The following ANXA4 variants were observed in gnomAD, a reference collection of about 807,000 sequenced individuals.
ANXA4 encodes annexin A4.
A neutral mutation model predicts 49.8 loss-of-function variants in ANXA4; 39 were observed. The ratio of observed to expected loss-of-function variants is 0.78; its 90% CI spans 0.61 to 1.02. The LOEUF is 1.02. Among genes scored for constraint, ANXA4 ranks in the 50% least tolerant of loss-of-function variants. ANXA4 has a pLI of 0.00. For synonymous variants in ANXA4, 134 were observed against 152.5 expected (o/e 0.88, Z 0.89); for missense variants, 360 against 410.1 (o/e 0.88, Z 1.05).
chr2:69,728,605 A>G (rs1670021135), intron 3 of ANXA4, among the ~76,000 whole-genome samples: 1 of 152,232 alleles, frequency 6.6e-6, no homozygotes, highest in African/African-American at 2.4e-5. Context: ...CAACTGATCT[A>G]GCATCATTTA....
In ANXA4 at chr2:69,742,185, G is replaced by T. The variant is rs564992067; in HGVS notation, c.-47+10G>T. 1 of 152,452 alleles carries T rather than the reference G, an allele frequency of 6.6e-6. No individual in the cohort carries two copies. Among genetic ancestry groups the T allele is most frequent in the South Asian group, 2.1e-4 (1 of 4,836 alleles). 9.4% of individuals were successfully genotyped at this position (152,452 alleles called of 1,614,324 possible). A position where few individuals can be genotyped will look rare whatever the true frequency, so the allele number is the denominator to read the frequency against. On this transcript the variant is annotated intron_variant, in intron 1 of 12. Coordinates refer to ENST00000394295, the MANE Select transcript of ANXA4 (RefSeq NM_001153.5). ...GCGCAGCCCGGCCTCGGTACGAGGGGTAAAGGGGCTCCGGGCCGGGGGTCC... is the reference window on the plus strand; with the variant it reads ...GCGCAGCCCGGCCTCGGTACGAGGGTTAAAGGGGCTCCGGGCCGGGGGTCC...
chr2:69,737,758 C>A (rs979147389), upstream of ANXA4, among the ~76,000 whole-genome samples: 1 of 152,060 alleles, frequency 6.6e-6, no homozygotes, highest in Non-Finnish European at 1.5e-5. Context: ...GTCATCGCAC[C>A]CAGCTTTTCT....
chr2:69,786,484 A>G (rs1367233515), intron 2 of ANXA4, among the ~76,000 whole-genome samples: 1 of 151,628 alleles, frequency 6.6e-6, no homozygotes, highest in Non-Finnish European at 1.5e-5. Context: ...CTTTCTCAAA[A>G]CCTGTCGGTG....
At chr2:69,672,567 A>T (rs1677231106) in intron 2 of ANXA4, among the ~76,000 whole-genome samples, 2 of 152,150 alleles carry the variant, frequency 1.3e-5, no homozygotes, top group South Asian at 4.1e-4. Context: ...GTATCTAATA[A>T]ATACATTATA....
intron 2 of ANXA4, among the ~76,000 whole-genome samples, chr2:69,684,563 C>G (rs1677714953): frequency 6.6e-6 from 1 of 151,694 alleles, no homozygotes; most frequent in Non-Finnish European, 1.5e-5. Context: ...TGGTGTGCAC[C>G]TGTAGTCCCA....
intron 2 of ANXA4, among the ~76,000 whole-genome samples, chr2:69,692,961 A>G (rs558905913): frequency 2.2e-4 from 33 of 152,308 alleles, no homozygotes; most frequent in Non-Finnish European, 4.0e-4. Flanking sequence ...TGCAATCTGC[A>G]TACTGCTAAT....
In ANXA4 at chr2:69,795,324, G is replaced by C. The variant is rs147395451; in HGVS notation, c.97+7183G>C. On this transcript the variant is annotated intron_variant, in intron 3 of 12. Coordinates refer to ENST00000394295, the MANE Select transcript of ANXA4 (RefSeq NM_001153.5). ...ACAGGCAAACAGGTATTGAGAGTCA[G>C]GATGTAACGGTATGCAGAAAAAGGC... Among the ~76,000 whole-genome samples the C allele has an allele frequency of 1.6e-3, 241 of 152,324 alleles. 1 individual carries two copies. Among genetic ancestry groups the C allele is most frequent in the African/African-American group, 4.2e-3 (176 of 41,556 alleles).
At chr2:69,686,638 G>A (rs1323618486) in intron 2 of ANXA4, among the ~76,000 whole-genome samples, 2 of 152,058 alleles carry the variant, frequency 1.3e-5, no homozygotes, top group Non-Finnish European at 1.5e-5. Flanking sequence ...TAAATTTTTT[G>A]TAGAAACGGG....
At chr2:69,799,243 C>T (rs567817106) in intron 3 of ANXA4, among the ~76,000 whole-genome samples, 42 of 152,274 alleles carry the variant, frequency 2.8e-4, no homozygotes, top group Non-Finnish European at 4.4e-4. Context: ...TCCCATACAT[C>T]TTCTTGCAGC....
intron 1 of ANXA4, among the ~76,000 whole-genome samples, chr2:69,747,128 C>A (rs1157688709): frequency 6.6e-6 from 1 of 152,184 alleles, no homozygotes; most frequent in Non-Finnish European, 1.5e-5. Flanking sequence ...CCATGTCCAC[C>A]TCTACCTCAT....
intron 2 of ANXA4, among the ~76,000 whole-genome samples, chr2:69,695,421 C>A (rs1381493937): frequency 6.6e-6 from 1 of 152,136 alleles, no homozygotes; most frequent in African/African-American, 2.4e-5. Context: ...GGTGGAAAAT[C>A]TGGGCATGCA....
At chr2:69,739,094 C>T (rs900318930), upstream of ANXA4, among the ~76,000 whole-genome samples, 2 of 152,156 alleles carry the variant, frequency 1.3e-5, no homozygotes, top group East Asian at 1.9e-4. Flanking sequence ...GAAGAGGGAC[C>T]GTGGCCACTG....
chr2:69,811,571 A>G (rs553480455), intron 7 of ANXA4: 8 of 152,342 alleles, frequency 5.3e-5, no homozygotes, highest in East Asian at 1.9e-4. Flanking sequence ...TCACTTCCCA[A>G]TTGCATCTTT....
At chr2:69,758,944 G>A (rs1671164973) in intron 1 of ANXA4, among the ~76,000 whole-genome samples, 1 of 151,980 alleles carries the variant, frequency 6.6e-6, no homozygotes, top group Non-Finnish European at 1.5e-5. Flanking sequence ...ACCCGTCTTG[G>A]CAACATGGTG....
intron 3 of ANXA4, among the ~76,000 whole-genome samples, chr2:69,736,106 A>G (rs766000382): frequency 6.6e-6 from 1 of 152,164 alleles, no homozygotes; most frequent in Non-Finnish European, 1.5e-5. Context: ...GTCTCCTTTT[A>G]AGACCCAGTT....
intron 2 of ANXA4, among the ~76,000 whole-genome samples, chr2:69,708,881 G>T (rs1678587432): frequency 6.6e-6 from 1 of 151,674 alleles, no homozygotes; most frequent in South Asian, 2.1e-4. Flanking sequence ...GCCAAGAAGG[G>T]TCACACGTGC....
intron 2 of ANXA4, among the ~76,000 whole-genome samples, chr2:69,697,976 C>A (rs1678210267): frequency 1.8e-5 from 1 of 54,954 alleles, no homozygotes; most frequent in African/African-American, 6.0e-5. Context: ...GAGACCCCAT[C>A]TCAAAAAAAA....
intron 3 of ANXA4, among the ~76,000 whole-genome samples, chr2:69,790,855 A>G (rs957098620): frequency 2.0e-5 from 3 of 152,240 alleles, no homozygotes; most frequent in African/African-American, 7.2e-5. Context: ...ATGGGACTAC[A>G]GGTTAATAAC....
chr2:69,687,779 C>G (rs1333182203), intron 2 of ANXA4, among the ~76,000 whole-genome samples: 1 of 152,164 alleles, frequency 6.6e-6, no homozygotes, highest in African/African-American at 2.4e-5. Context: ...CAGGCGTGGG[C>G]TGCCGCGCCC....
Sources: gnomAD v4.1 joint callset for allele counts (sites outside exome capture counted in the v4.1 genomes callset) on GRCh38, gnomAD v4.1.1 for gene constraint, MANE v1.5 for transcripts, NCBI Gene and HGNC (gene_info 2026-07-23, HGNC 2026-07-21) for gene names.